Variants in VWC2 observed in about 807,000 individuals in gnomAD.
VWC2 encodes brorin.
In VWC2, 14 loss-of-function variants were observed where a neutral mutation model predicts 29.8. That is an observed-to-expected ratio of 0.47 (90% CI 0.31 to 0.74). The LOEUF (loss-of-function observed/expected upper bound fraction) is 0.74, where lower values mean the gene tolerates loss of function less well. VWC2 is among the 30% of genes least tolerant of loss of function. The probability of loss-of-function intolerance (pLI) is 0.05; values close to 1 mark genes in which losing one functional copy is unlikely to be tolerated. For synonymous variants in VWC2, 213 were observed against 199.0 expected (o/e 1.07, Z -0.59); for missense variants, 457 against 459.8 (o/e 0.99, Z 0.05).
Position 49,773,880 on chromosome 7 carries a change from G to C in VWC2, c.-337G>C. On this transcript the variant is annotated 5_prime_UTR_variant, in exon 1 of 4. Transcript: ENST00000340652. ...CTGAGGGCGACGCGGGCACTGACGCGAGTTGGGGCCGCGACTACCGGCAGC... is the reference window on the plus strand; with the variant it reads ...CTGAGGGCGACGCGGGCACTGACGCCAGTTGGGGCCGCGACTACCGGCAGC... 6.6e-6 allele frequency: 1 copy of C among 152,420 alleles called. No homozygotes were observed. The highest frequency in any genetic ancestry group is 1.5e-5 in the Non-Finnish European group (1 of 68,156). The allele number at this position is 152,420 out of a possible 1,614,324, so 9.4% of individuals were successfully genotyped here. A position where few individuals can be genotyped will look rare whatever the true frequency, so the allele number is the denominator to read the frequency against.
chr7:49,852,174 C>T (rs1466129796), intron 3 of VWC2, among the ~76,000 whole-genome samples: 1 of 152,218 alleles, frequency 6.6e-6, no homozygotes, highest in Admixed American at 6.5e-5. Flanking sequence ...CCTGTGGCCA[C>T]TGCCTTATCT....
chr7:49,788,763 TGTGA>T (rs1404078990), intron 2 of VWC2, among the ~76,000 whole-genome samples: 1 of 134,280 alleles, frequency 7.4e-6, no homozygotes, highest in Non-Finnish European at 1.6e-5. Context: ...GGTGTGGGGG[TGTGA>T]GAGAGGGTGT....
At chr7:49,803,570 G>T (rs1374323007) in intron 3 of VWC2, among the ~76,000 whole-genome samples, 1 of 152,238 alleles carries the variant, frequency 6.6e-6, no homozygotes, top group African/African-American at 2.4e-5. Flanking sequence ...AAGGATCTGA[G>T]TGGCCTCGCT....
chr7:49,792,533 G>C lies in VWC2; in HGVS notation c.697-10178G>C, dbSNP rs558480589. On this transcript the variant is annotated intron_variant, in intron 2 of 3. Transcript: ENST00000340652. Reference sequence around the variant, plus strand: ...TTTAACATGAGGACATGGAAGCTCAGGAAGGAAAAAGGACTGGCTGGGGAT... The same window carrying C: ...TTTAACATGAGGACATGGAAGCTCACGAAGGAAAAAGGACTGGCTGGGGAT... 9.6e-4 allele frequency among the ~76,000 whole-genome samples: 146 copies of C among 152,322 alleles called. 1 individual carries two copies. Among genetic ancestry groups the C allele is most frequent in the African/African-American group, 3.5e-3 (144 of 41,578 alleles).
At chr7:49,838,677 C>G (rs1789722652) in intron 3 of VWC2, among the ~76,000 whole-genome samples, 1 of 152,112 alleles carries the variant, frequency 6.6e-6, no homozygotes, top group Admixed American at 6.5e-5. Context: ...TAACCAACAT[C>G]TCCATAAGGT....
At chr7:49,896,903 T>G in intron 3 of VWC2, among the ~76,000 whole-genome samples, 1 of 143,622 alleles carries the variant, frequency 7.0e-6, no homozygotes, top group Non-Finnish European at 1.5e-5. Context: ...TTTTTTTTTT[T>G]TTTGAGACGG....
intron 3 of VWC2, among the ~76,000 whole-genome samples, chr7:49,806,741 T>C (rs1788887711): frequency 6.6e-6 from 1 of 151,962 alleles, no homozygotes; most frequent in Non-Finnish European, 1.5e-5. Flanking sequence ...TGTGTTTGTG[T>C]GTGTGTGTGC....
intron 3 of VWC2, among the ~76,000 whole-genome samples, chr7:49,875,055 A>G (rs1791339463): frequency 6.6e-6 from 1 of 152,148 alleles, no homozygotes; most frequent in African/African-American, 2.4e-5. Flanking sequence ...CTGTGAAAAA[A>G]AAAAGAGCTT....
chr7:49,821,200 T>C (rs896935089), intron 3 of VWC2, among the ~76,000 whole-genome samples: 1 of 152,254 alleles, frequency 6.6e-6, no homozygotes, highest in East Asian at 1.9e-4. Context: ...TGCAAGGATA[T>C]TGATGAGTGT....
rs79874521 is a variant in VWC2 at position 49,875,614 on chromosome 7, G to A, written c.827-36420G>A. On this transcript the variant is annotated intron_variant, in intron 3 of 3. Coordinates refer to ENST00000340652, the MANE Select transcript of VWC2 (RefSeq NM_198570.5). ...GTGCTTTGCTAGGTGGAAACCCACC[G>A]CCTTCCAGTATCAGCTCTGTGGCCT... Among the ~76,000 whole-genome samples the A allele has an allele frequency of 4.5e-3, 688 of 151,926 alleles. 4 individuals are homozygous for A. Among genetic ancestry groups the A allele is most frequent in the African/African-American group, 0.016 (647 of 41,456 alleles).
intron 3 of VWC2, among the ~76,000 whole-genome samples, chr7:49,901,561 TATAA>T (rs1205422884): frequency 1.3e-5 from 2 of 151,734 alleles, no homozygotes; most frequent in Non-Finnish European, 3.0e-5. Context: ...TCATAGAATA[TATAA>T]ATAGAGAGAT....
intron 2 of VWC2, among the ~76,000 whole-genome samples, chr7:49,776,747 C>A (rs2012576847): frequency 6.6e-6 from 1 of 152,200 alleles, no homozygotes; most frequent in African/African-American, 2.4e-5. Context: ...TACCGGCCAT[C>A]TCTCTAATGC....
chr7:49,865,489 A>T (rs1027189431), intron 3 of VWC2, among the ~76,000 whole-genome samples: 3 of 152,158 alleles, frequency 2.0e-5, no homozygotes, highest in African/African-American at 7.2e-5. Context: ...TAAGTGGCTG[A>T]TATGTCTGGG....
intron 2 of VWC2, among the ~76,000 whole-genome samples, chr7:49,791,803 C>G (rs774375138): frequency 6.6e-6 from 1 of 152,196 alleles, no homozygotes; most frequent in Non-Finnish European, 1.5e-5. Context: ...TCTTCCCACT[C>G]TATGATTGAA....
At chr7:49,900,984 A>G (rs1400398461) in intron 3 of VWC2, 1 of 151,802 alleles carries the variant, frequency 6.6e-6, no homozygotes, top group African/African-American at 2.4e-5. Flanking sequence ...AAAAATCACG[A>G]TGATATCAGT....
chr7:49,878,046 A>C (rs966152855), intron 3 of VWC2, among the ~76,000 whole-genome samples: 53 of 152,164 alleles, frequency 3.5e-4, no homozygotes, highest in African/African-American at 1.3e-3. Flanking sequence ...CTGTGAGCTC[A>C]GAAGTTTTCT....
intron 3 of VWC2, chr7:49,901,281 T>G (rs745645885): frequency 1.5e-4 from 23 of 151,772 alleles, no homozygotes; most frequent in Non-Finnish European, 2.8e-4. Context: ...AAAACTGTCT[T>G]TGTTTGCAGA....
intron 3 of VWC2, among the ~76,000 whole-genome samples, chr7:49,827,253 T>C (rs1417214171): frequency 6.6e-6 from 1 of 152,098 alleles, no homozygotes; most frequent in Non-Finnish European, 1.5e-5. Context: ...TTGTCAATTC[T>C]GACATTTTAT....
chr7:49,880,475 T>C (rs1005826035), intron 3 of VWC2, among the ~76,000 whole-genome samples: 69 of 151,964 alleles, frequency 4.5e-4, no homozygotes, highest in African/African-American at 1.6e-3. Flanking sequence ...AGATTTTTTA[T>C]TATGGATTCA....
Sources: allele counts gnomAD v4.1 joint callset (sites outside exome capture counted in the v4.1 genomes callset), GRCh38; gene constraint gnomAD v4.1.1; transcripts MANE v1.5; gene names NCBI Gene and HGNC (gene_info 2026-07-23, HGNC 2026-07-21).